BMPR1B: variants seen among roughly 807,000 people sequenced by gnomAD.
The protein encoded by BMPR1B is bone morphogenetic protein receptor type 1B.
Under a neutral mutation model 59.1 loss-of-function variants are expected in BMPR1B, and 12 were observed. The ratio of observed to expected loss-of-function variants is 0.20; its 90% CI spans 0.13 to 0.33. BMPR1B has a LOEUF of 0.33. Among genes scored for constraint, BMPR1B ranks in the 10% least tolerant of loss-of-function variants. The pLI, the probability that BMPR1B is intolerant of heterozygous loss-of-function variation, is 1.00. For missense variants in BMPR1B, 550 were observed against 610.9 expected, an observed-to-expected ratio of 0.90 and a Z score of 1.05; for synonymous variants, 237 against 207.3, an observed-to-expected ratio of 1.14 and a Z score of -1.23.
chr4:94,849,596 G>C (rs1015879043), intron 1 of BMPR1B, among the ~76,000 whole-genome samples: 1 of 152,118 alleles, frequency 6.6e-6, no homozygotes, highest in East Asian at 1.9e-4. Flanking sequence ...AAAGAGAGAA[G>C]GGGAAACTGC....
chr4:95,017,852 A>T (rs1445061986), intron 3 of BMPR1B, among the ~76,000 whole-genome samples: 1 of 152,146 alleles, frequency 6.6e-6, no homozygotes, highest in Non-Finnish European at 1.5e-5. Context: ...GTTAGAGAAC[A>T]CCTGCTCTAT....
rs140319702 is a variant in BMPR1B at position 94,861,187 on chromosome 4, C to T, written c.-182-14644C>T. On this transcript the variant is annotated intron_variant, in intron 1 of 12. Coordinates refer to ENST00000515059, the MANE Select transcript of BMPR1B (RefSeq NM_001203.3). ...AAATCCCAGTCCTGCTGCTTGCTAG[C>T]TGGGTGACTGAGGGTAAGTTATTTA... is the stretch of plus-strand genomic sequence containing the variant. Among the ~76,000 whole-genome samples the T allele has an allele frequency of 5.3e-5, 8 of 152,280 alleles. No individual in the cohort carries two copies. In the East Asian group the frequency reaches 1.2e-3, roughly 22 times the overall value.
At chr4:94,868,583 A>G (rs1431319945) in intron 1 of BMPR1B, among the ~76,000 whole-genome samples, 3 of 152,210 alleles carry the variant, frequency 2.0e-5, no homozygotes, top group Admixed American at 6.5e-5. Context: ...GAAGGGACCA[A>G]TAAGTGTCCT....
At chr4:94,918,605 GT>G (rs1728574259) in intron 2 of BMPR1B, among the ~76,000 whole-genome samples, 1 of 151,968 alleles carries the variant, frequency 6.6e-6, no homozygotes, top group African/African-American at 2.4e-5. Flanking sequence ...GAGCCCAGGA[GT>G]TTGAGGCTGC....
chr4:94,934,617 T>C lies in BMPR1B; in HGVS notation c.-113+58717T>C, dbSNP rs1032155186. Among the ~76,000 whole-genome samples the C allele has an allele frequency of 4.6e-5, 7 of 152,228 alleles. No homozygotes were observed. In the South Asian group the frequency reaches 8.3e-4, roughly 18 times the overall value. On this transcript the variant is annotated intron_variant, in intron 2 of 12. Coordinates refer to ENST00000515059, the MANE Select transcript of BMPR1B (RefSeq NM_001203.3). ...CTAATTAATTTGTCTACTGCACCCC[T>C]GACCTGGGAATTGCATACAATGGGC...
At chr4:95,050,815 C>A (rs1726445127) in intron 3 of BMPR1B, among the ~76,000 whole-genome samples, 1 of 151,958 alleles carries the variant, frequency 6.6e-6, no homozygotes, top group Non-Finnish European at 1.5e-5. Context: ...ATTTATCTTT[C>A]TTGGTGTTCT....
chr4:94,942,880 G>A (rs1469418849), intron 2 of BMPR1B, among the ~76,000 whole-genome samples: 2 of 152,130 alleles, frequency 1.3e-5, no homozygotes, highest in East Asian at 1.9e-4. Flanking sequence ...AAACTGATTA[G>A]GATCTAGGGA....
intron 1 of BMPR1B, among the ~76,000 whole-genome samples, chr4:94,870,764 C>G (rs951440321): frequency 2.6e-5 from 4 of 152,136 alleles, no homozygotes; most frequent in African/African-American, 9.7e-5. Flanking sequence ...AGCATTTCAT[C>G]TTGCGTTGGA....
At chr4:95,047,332 G>A (rs1442443440) in intron 3 of BMPR1B, among the ~76,000 whole-genome samples, 1 of 152,098 alleles carries the variant, frequency 6.6e-6, no homozygotes, top group Non-Finnish European at 1.5e-5. Context: ...TGTCATCTTA[G>A]TCTCTGTTGG....
At chr4:94,885,226 A>T (rs1022279441) in intron 2 of BMPR1B, among the ~76,000 whole-genome samples, 5 of 152,170 alleles carry the variant, frequency 3.3e-5, no homozygotes, top group African/African-American at 1.2e-4. Flanking sequence ...GGAGCCACTG[A>T]GTTTTAGGGT....
intron 2 of BMPR1B, among the ~76,000 whole-genome samples, chr4:94,945,604 T>G (rs1729680022): frequency 6.6e-6 from 1 of 152,136 alleles, no homozygotes; most frequent in African/African-American, 2.4e-5. Context: ...TCAGCTAATT[T>G]TTTGACTTTT....
At chr4:94,766,937 C>G (rs2110563928) in intron 1 of BMPR1B, among the ~76,000 whole-genome samples, 1 of 152,254 alleles carries the variant, frequency 6.6e-6, no homozygotes, top group Non-Finnish European at 1.5e-5. Context: ...AATGGTGTAT[C>G]TAGAATGAGT....
chr4:95,125,109 C>A lies in BMPR1B; in HGVS notation c.573C>A (p.Gly191=). The change falls in exon 8 of 13, where the codon GGC becomes GGA. Residue 191 remains glycine, a synonymous_variant. Coordinates refer to ENST00000515059, the MANE Select transcript of BMPR1B (RefSeq NM_001203.3). The part of the protein sequence containing the change: ...EQSQSSGSGS[G]LPLLVQRTIA... ...CTCAGAGCTCAGGAAGTGGATCAGG[C>A]CTCCCTCTGCTGGTATGAGAAGAAC... The A allele has an allele frequency of 3.7e-6, 6 of 1,613,626 alleles. No homozygotes were observed. The highest frequency in any genetic ancestry group is 4.2e-6 in the Non-Finnish European group (5 of 1,179,726).
At chr4:95,096,785 C>A (rs1278769236) in intron 3 of BMPR1B, among the ~76,000 whole-genome samples, 10 of 128,958 alleles carry the variant, frequency 7.8e-5, no homozygotes, top group South Asian at 4.7e-4. Context: ...TTATATATAA[C>A]TATATATCTA....
chr4:95,024,832 T>C (rs1421677882), intron 3 of BMPR1B, among the ~76,000 whole-genome samples: 1 of 152,118 alleles, frequency 6.6e-6, no homozygotes, highest in Non-Finnish European at 1.5e-5. Context: ...GCTGGGTACA[T>C]TGGCTCACAC....
chr4:94,835,748 T>C (rs952213058), intron 1 of BMPR1B, among the ~76,000 whole-genome samples: 2 of 152,222 alleles, frequency 1.3e-5, no homozygotes, highest in African/African-American at 4.8e-5. Context: ...TTAGGAGTTA[T>C]CTAAATAAAT....
At chr4:94,773,488 T>A (rs555109031) in intron 1 of BMPR1B, among the ~76,000 whole-genome samples, 1 of 152,192 alleles carries the variant, frequency 6.6e-6, no homozygotes, top group South Asian at 2.1e-4. Context: ...ATTTTATGAA[T>A]AAACTCATTA....
chr4:95,022,017 T>C (rs1167247392), intron 3 of BMPR1B, among the ~76,000 whole-genome samples: 2 of 152,220 alleles, frequency 1.3e-5, no homozygotes, highest in African/African-American at 4.8e-5. Context: ...CCATTTTGTT[T>C]ACAATTTCTT....
intron 2 of BMPR1B, among the ~76,000 whole-genome samples, chr4:94,975,683 T>C (rs1322615256): frequency 1.3e-5 from 2 of 152,162 alleles, no homozygotes; most frequent in African/African-American, 4.8e-5. Context: ...TTTTTTAAAA[T>C]ATCATGGTAT....
Sources: allele counts gnomAD v4.1 joint callset (sites outside exome capture counted in the v4.1 genomes callset), GRCh38; gene constraint gnomAD v4.1.1; transcripts MANE v1.5; gene names NCBI Gene and HGNC (gene_info 2026-07-23, HGNC 2026-07-21).